Variants in TBX5 observed in about 807,000 individuals in gnomAD.
TBX5 encodes the protein T-box transcription factor 5.
TBX5 carries 8 observed loss-of-function variants against 51.1 expected under a neutral mutation model. The observed-to-expected ratio is 0.16, with a 90% CI of 0.09 to 0.28. The LOEUF (loss-of-function observed/expected upper bound fraction) is 0.28, where lower values mean the gene tolerates loss of function less well. Ranked by LOEUF, TBX5 falls within the 10% of genes least tolerant of loss-of-function variation. The pLI, the probability that TBX5 is intolerant of heterozygous loss-of-function variation, is 1.00. For missense variants in TBX5, 589 were observed against 671.7 expected, an observed-to-expected ratio of 0.88 and a Z score of 1.36; for synonymous variants, 302 against 266.4, an observed-to-expected ratio of 1.13 and a Z score of -1.30.
chr12:114,399,657 GA>G (rs757248939), intron 3 of TBX5, 25 bp from the exon 4 acceptor site: 1 of 1,614,062 alleles, frequency 6.2e-7, no homozygotes, highest in Non-Finnish European at 8.5e-7. Context: ...CGGAGGGAGA[GA>G]GGGGGGCGGG....
In TBX5 at chr12:114,379,105, C is replaced by T. The variant is rs576338279; in HGVS notation, c.755+6371G>A. Among the ~76,000 whole-genome samples the T allele has an allele frequency of 2.4e-4, 36 of 152,280 alleles. No homozygotes were observed. The Middle Eastern group carries it at 0.01, about 43-fold the overall frequency. On this transcript the variant is annotated intron_variant, in intron 7 of 8. Transcript: ENST00000405440. ...GGTCACAGGAGTGTGCCAAGCTGGACATCCTGCCTGACCTGCCTTCCGTTA... is the reference window on the plus strand; with the variant it reads ...GGTCACAGGAGTGTGCCAAGCTGGATATCCTGCCTGACCTGCCTTCCGTTA...
intron 3 of TBX5, 115 bp downstream of exon 3, chr12:114,401,711 A>C: frequency 4.6e-6 from 4 of 867,406 alleles, no homozygotes; most frequent in Non-Finnish European, 5.7e-6. Context: ...TTCTTTCTCT[A>C]TATTCCCTCT....
Position 114,390,395 on chromosome 12 carries a change from T to A in TBX5, c.663+4346A>T, listed in dbSNP as rs995222076. On this transcript the variant is annotated intron_variant, in intron 6 of 8. Coordinates refer to ENST00000405440, the MANE Select transcript of TBX5 (RefSeq NM_181486.4). ...CACTGAAACTGACTTCTATTCACCA[T>A]GCAAATGTACTCCCTTCAAAATCAA... is the stretch of plus-strand genomic sequence containing the variant. 4.6e-5 allele frequency among the ~76,000 whole-genome samples: 7 copies of A among 152,224 alleles called. No homozygotes were observed. In the East Asian group the frequency reaches 9.6e-4, roughly 21 times the overall value.
At chr12:114,360,884 C>G (rs770599123) in intron 8 of TBX5, among the ~76,000 whole-genome samples, 1 of 151,996 alleles carries the variant, frequency 6.6e-6, no homozygotes, top group African/African-American at 2.4e-5. Flanking sequence ...TGGTATTGTG[C>G]GAAGATTCTC....
At position 114,405,694 on chromosome 12, in the gene TBX5, G is replaced by T. The variant is rs1872171712; in HGVS notation, c.-105C>A. 1.0e-6 allele frequency: 1 copy of T among 985,548 alleles called. No individual in the cohort carries two copies. Among genetic ancestry groups the T allele is most frequent in the African/African-American group, 1.7e-5 (1 of 57,378 alleles). The allele number at this position is 985,548 out of a possible 1,614,324, so 61.1% of individuals were successfully genotyped here. A position where few individuals can be genotyped will look rare whatever the true frequency, so the allele number is the denominator to read the frequency against. On this transcript the variant is annotated 5_prime_UTR_variant, in exon 1 of 9. Transcript: ENST00000405440. ...CTCCTAGCAGGGAAGCCGGCGGTGAGGCGGGGGAGCAGGCATGGTGGCTCC... is the reference window on the plus strand; with the variant it reads ...CTCCTAGCAGGGAAGCCGGCGGTGATGCGGGGGAGCAGGCATGGTGGCTCC...
intron 7 of TBX5, among the ~76,000 whole-genome samples, chr12:114,369,312 C>T (rs537770776): frequency 1.3e-5 from 2 of 152,298 alleles, no homozygotes; most frequent in South Asian, 4.1e-4. Flanking sequence ...TCTGGAAAGG[C>T]CAAGTCCTGC....
At chr12:114,358,018 C>A (rs147765211) in intron 8 of TBX5, among the ~76,000 whole-genome samples, 63 of 152,326 alleles carry the variant, frequency 4.1e-4, no homozygotes, top group African/African-American at 1.5e-3. Flanking sequence ...AAGGTGTCTG[C>A]TGTAATGCCT....
Position 114,366,281 on chromosome 12 carries a change from G to T in TBX5, c.866C>A (p.Ser289Tyr), listed in dbSNP as rs1869533722. ...AACACCATTCTCACACTGGTATTGG[G>T]ACCCCAAATTGGATGAGGTGGAGAG... Reference protein sequence around the residue: ...RALSTSSNLGSQYQCENGVSG... With the variant: ...RALSTSSNLGYQYQCENGVSG... The change falls in exon 8 of 9, where the codon TCC becomes TAC. Residue 289 changes from serine (S) to tyrosine (Y), a missense_variant. By Grantham distance (144) the Ser-to-Tyr change is moderately radical. Transcript: ENST00000405440. The T allele has an allele frequency of 6.2e-7, 1 of 1,614,006 alleles. No individual in the cohort carries two copies. Among genetic ancestry groups the T allele is most frequent in the Non-Finnish European group, 8.5e-7 (1 of 1,180,034 alleles).
Position 114,355,932 on chromosome 12 carries a change from G to T in TBX5, c.1157C>A (p.Pro386His), listed in dbSNP as rs771857554. 36 of 1,613,736 alleles carry T rather than the reference G, an allele frequency of 2.2e-5. No individual in the cohort carries two copies. The East Asian group carries it at 5.3e-4, about 24-fold the overall frequency. Residue 386 changes from proline to histidine, a missense_variant, in exon 9 of 9, where the codon CCC (proline) becomes CAC (histidine). By Grantham distance (77) the Pro-to-His change is moderately conservative. Around this residue, in one of 7 missense-constraint regions of TBX5, gnomAD observed 348 missense variants for 360.4 expected, o/e 0.97. Transcript: ENST00000405440. ...CTCTAGGCTGGGCACAGGCTCGCTG[G>T]GGGGCGCAGAGCTGGCATACATGCA... ...QACMYASSAP[P>H]SEPVPSLEDI...
Position 114,370,894 on chromosome 12 carries a change from A to C in TBX5, c.756-4503T>G, listed in dbSNP as rs114752792. Among the ~76,000 whole-genome samples the C allele has an allele frequency of 6.3e-3, 961 of 152,118 alleles. 13 individuals carry two copies. The highest frequency in any genetic ancestry group is 0.022 in the African/African-American group (903 of 41,500). On this transcript the variant is annotated intron_variant, in intron 7 of 8. Transcript: ENST00000405440. The stretch of plus-strand genomic sequence containing the variant: ...CATGAACCCATCACCCGAGCAGTGT[A>C]CACTGTACCCAATATATAGCCTTCT...
intron 7 of TBX5, among the ~76,000 whole-genome samples, chr12:114,369,178 GT>G (rs1346691666): frequency 2.6e-5 from 4 of 152,130 alleles, no homozygotes; most frequent in Admixed American, 2.6e-4. Flanking sequence ...AATAGGAACA[GT>G]TTTTCTTTTT....
Position 114,355,292 on chromosome 12 carries a change from T to C in TBX5, c.*240A>G. The stretch of plus-strand genomic sequence containing the variant: ...TGGTGGTAGTGGGGGGTGGGACTCA[T>C]CTTTTTGTGTTTGTTTTTTTAAGTT... On this transcript the variant is annotated 3_prime_UTR_variant, in exon 9 of 9. Transcript: ENST00000405440. 3.4e-6 allele frequency: 2 copies of C among 593,238 alleles called. No homozygotes were observed. The highest frequency in any genetic ancestry group is 6.2e-6 in the Non-Finnish European group (2 of 323,024). The allele number at this position is 593,238 out of a possible 1,614,324, so 36.7% of individuals were successfully genotyped here.
rs1489969947 is a variant in TBX5 at position 114,403,900 on chromosome 12, G to A, written c.-2C>T. 1 of 1,611,632 alleles carries A rather than the reference G, an allele frequency of 6.2e-7. No homozygotes were observed. Among genetic ancestry groups the A allele is most frequent in the South Asian group, 1.1e-5 (1 of 91,014 alleles). On this transcript the variant is annotated 5_prime_UTR_variant, in exon 2 of 9. Coordinates refer to ENST00000405440, the MANE Select transcript of TBX5 (RefSeq NM_181486.4). Reference sequence around the variant, plus strand: ...AAAGCCCTCGTCTGCGTCGGCCATGGTGCGCCCAGGGCCCTGTGCCCGCGC... The same window carrying A: ...AAAGCCCTCGTCTGCGTCGGCCATGATGCGCCCAGGGCCCTGTGCCCGCGC...
chr12:114,361,751 T>A (rs1869254010), intron 8 of TBX5, among the ~76,000 whole-genome samples: 1 of 152,172 alleles, frequency 6.6e-6, no homozygotes, highest in Non-Finnish European at 1.5e-5. Flanking sequence ...GAATCCCAAC[T>A]GGAAGGAAAC....
chr12:114,396,203 G>A (rs1464935949), intron 5 of TBX5, among the ~76,000 whole-genome samples: 1 of 151,850 alleles, frequency 6.6e-6, no homozygotes, highest in Non-Finnish European at 1.5e-5. Context: ...GCCCGACCCC[G>A]GGCCGCGCGT....
intron 7 of TBX5, among the ~76,000 whole-genome samples, chr12:114,377,575 ATCTTTT>A (rs1870263916): frequency 7.6e-6 from 1 of 131,984 alleles, no homozygotes; most frequent in African/African-American, 2.8e-5. Context: ...TTTTTTTTTT[ATCTTTT>A]TCTTTTTCTT....
chr12:114,366,624 T>C (rs1199807686), intron 7 of TBX5, among the ~76,000 whole-genome samples: 2 of 152,224 alleles, frequency 1.3e-5, no homozygotes, highest in Non-Finnish European at 2.9e-5. Flanking sequence ...TTACCAACAG[T>C]TCTATACCTC....
intron 8 of TBX5, among the ~76,000 whole-genome samples, chr12:114,361,527 C>G (rs1312389180): frequency 6.6e-6 from 1 of 152,138 alleles, no homozygotes; most frequent in Admixed American, 6.5e-5. Flanking sequence ...GATAAAAGAC[C>G]TTCCCAGCTT....
In TBX5 at chr12:114,396,186, C is replaced by A. The variant is rs1317496147; in HGVS notation, c.511-1293G>T. ...GGAGGGACGAGGAACTCGCGGGCCC[C>A]GCGGCTGCCCGACCCCGGGCCGCGC... On this transcript the variant is annotated intron_variant, in intron 5 of 8. Transcript: ENST00000405440. Among the ~76,000 whole-genome samples, 6 of 152,008 alleles carry A rather than the reference C, an allele frequency of 3.9e-5. No homozygotes were observed. The South Asian group carries it at 1.2e-3, about 31-fold the overall frequency.
Sources: allele counts gnomAD v4.1 joint callset (sites outside exome capture counted in the v4.1 genomes callset), GRCh38; gene constraint gnomAD v4.1.1; regional missense constraint gnomAD v4.1.1; transcripts MANE v1.5; gene names NCBI Gene and HGNC (gene_info 2026-07-23, HGNC 2026-07-21).